Variants in SLC26A5 observed in about 807,000 individuals in gnomAD.
SLC26A5 encodes solute carrier family 26 member 5.
Under a neutral mutation model 81.0 loss-of-function variants are expected in SLC26A5, and 51 were observed. The observed-to-expected ratio is 0.63, with a 90% CI of 0.50 to 0.80. The LOEUF (loss-of-function observed/expected upper bound fraction) is 0.80, where lower values mean the gene tolerates loss of function less well. SLC26A5 is among the 30% of genes least tolerant of loss of function. SLC26A5 has a pLI of 0.00. For missense variants in SLC26A5, 771 were observed against 905.8 expected (o/e 0.85, Z 1.91); for synonymous variants, 325 against 332.8 (o/e 0.98, Z 0.25).
Position 103,364,045 on chromosome 7 carries a change from G to A in SLC26A5, c.2042-11119C>T, listed in dbSNP as rs541830606. Reference sequence around the variant, plus strand: ...TTAAATATTAAAGTATGGTTTTCAGGATAAAATACTAAACATAAAAGCACT... The same window carrying A: ...TTAAATATTAAAGTATGGTTTTCAGAATAAAATACTAAACATAAAAGCACT... On this transcript the variant is annotated intron_variant, in intron 19 of 19. Transcript: ENST00000339444. The A allele has an allele frequency of 2.3e-3, 2,596 of 1,140,736 alleles. 10 individuals are homozygous for A. The highest frequency in any genetic ancestry group is 2.7e-3 in the Non-Finnish European group (2,166 of 812,860). The allele number at this position is 1,140,736 out of a possible 1,614,324, so 70.7% of individuals were successfully genotyped here. A position where few individuals can be genotyped will look rare whatever the true frequency, so the allele number is the denominator to read the frequency against.
intron 2 of SLC26A5, among the ~76,000 whole-genome samples, chr7:103,433,946 C>A (rs772239065): frequency 2.0e-5 from 3 of 152,148 alleles, no homozygotes; most frequent in Non-Finnish European, 4.4e-5. Context: ...CGTGATCTGC[C>A]CATCTCAGCC....
chr7:103,361,352 A>T (rs1011162830), intron 19 of SLC26A5, among the ~76,000 whole-genome samples: 2 of 149,730 alleles, frequency 1.3e-5, no homozygotes, highest in East Asian at 2.0e-4. Context: ...AAAAAAAAAA[A>T]ATACAAAATT....
At chr7:103,427,458 G>C (rs942977883) in intron 2 of SLC26A5, among the ~76,000 whole-genome samples, 2 of 152,104 alleles carry the variant, frequency 1.3e-5, no homozygotes, top group Non-Finnish European at 2.9e-5. Context: ...ACACTCACTT[G>C]GGGGTAAGAG....
chr7:103,440,054 A>G (rs1321136731), intron 2 of SLC26A5, among the ~76,000 whole-genome samples: 1 of 152,198 alleles, frequency 6.6e-6, no homozygotes, highest in African/African-American at 2.4e-5. Flanking sequence ...ATTTTTATCC[A>G]TAGCACTTAA....
chr7:103,357,755 T>G (rs572312841), intron 19 of SLC26A5, among the ~76,000 whole-genome samples: 6 of 152,236 alleles, frequency 3.9e-5, no homozygotes, highest in Non-Finnish European at 5.9e-5. Context: ...TAGTGGTGGT[T>G]GTTATAACGT....
chr7:103,419,992 G>C (rs1825215188), intron 4 of SLC26A5, among the ~76,000 whole-genome samples: 1 of 152,112 alleles, frequency 6.6e-6, no homozygotes, highest in Admixed American at 6.6e-5. Flanking sequence ...AGCCAGATAG[G>C]TGCCTAATAG....
chr7:103,355,777 C>G, intron 19 of SLC26A5: 1 of 1,613,466 alleles, frequency 6.2e-7, no homozygotes, highest in Non-Finnish European at 8.5e-7. Flanking sequence ...GAGTGAACAG[C>G]CTTTACAGGT....
rs1000637334 is a variant in SLC26A5 at position 103,377,675 on chromosome 7, TC to T, written c.1909del (p.Asp637IlefsTer21). On this transcript the variant is annotated frameshift_variant, in exon 18 of 20. Transcript: ENST00000306312. LOFTEE classifies it high-confidence loss of function. ...ATCCAAAATGACAGTGTGGACGTTA[TC>T]CCCTGGGGGCATAAATCTTTGCATT... The part of the protein sequence containing the change: ...EEMQRFMPPG[D>X]NVHTVILDFT... The T allele has an allele frequency of 1.2e-6, 2 of 1,614,026 alleles. No homozygotes were observed. The highest frequency in any genetic ancestry group is 1.7e-5 in the Admixed American group (1 of 60,002).
At chr7:103,389,475 C>T (rs1822469774) in intron 12 of SLC26A5, 51 bp from the exon 13 acceptor site, 3 of 1,348,702 alleles carry the variant, frequency 2.2e-6, no homozygotes. Flanking sequence ...CACAGAGTGT[C>T]CTTTGCTGGT....
At position 103,367,202 on chromosome 7, in the gene SLC26A5, G is replaced by T. The variant is rs918809733; in HGVS notation, c.2041+9606C>A. ...CCATAGGCAGTTTAAAAAACGTTAA[G>T]TAAATCTGTGATGAATACTTTTGAA... On this transcript the variant is annotated intron_variant, in intron 19 of 19. Coordinates refer to the SLC26A5 transcript ENST00000339444. This position sits in a 1 kb window ranked among gnomAD's most constrained non-coding sequence, Gnocchi z 6.1. 1.3e-5 allele frequency among the ~76,000 whole-genome samples: 2 copies of T among 152,190 alleles called. No homozygotes were observed. Among genetic ancestry groups the T allele is most frequent in the African/African-American group, 4.8e-5 (2 of 41,498 alleles).
intron 2 of SLC26A5, among the ~76,000 whole-genome samples, chr7:103,427,036 G>A (rs1825751271): frequency 6.6e-6 from 1 of 151,976 alleles, no homozygotes; most frequent in Non-Finnish European, 1.5e-5. Context: ...GGCAGGAAGG[G>A]AGGAATTTGA....
intron 19 of SLC26A5, among the ~76,000 whole-genome samples, chr7:103,353,537 C>T (rs549563116): frequency 1.3e-5 from 2 of 152,304 alleles, no homozygotes; most frequent in Non-Finnish European, 2.9e-5. Context: ...AAACTCCTGA[C>T]CTCAGGTGAT....
intron 2 of SLC26A5, among the ~76,000 whole-genome samples, chr7:103,436,392 T>C (rs1742511324): frequency 6.6e-6 from 1 of 152,126 alleles, no homozygotes; most frequent in African/African-American, 2.4e-5. Flanking sequence ...TATGATTTTG[T>C]TACATGCTTC....
downstream of SLC26A5, among the ~76,000 whole-genome samples, chr7:103,371,842 C>T (rs139013164): frequency 5.2e-3 from 782 of 151,804 alleles, 9 homozygotes; most frequent in African/African-American, 0.018. Flanking sequence ...ACTACAGGTG[C>T]GCGCCACCAT....
At chr7:103,431,907 T>A (rs1387583377) in intron 2 of SLC26A5, among the ~76,000 whole-genome samples, 1 of 151,954 alleles carries the variant, frequency 6.6e-6, no homozygotes, top group East Asian at 1.9e-4. Context: ...TATTCACGAA[T>A]GCTTACCATG....
chr7:103,402,498 C>G (rs1823682056), intron 8 of SLC26A5, among the ~76,000 whole-genome samples: 1 of 149,708 alleles, frequency 6.7e-6, no homozygotes, highest in South Asian at 2.1e-4. Flanking sequence ...CTCCCAGATT[C>G]AAGTGATTCT....
chr7:103,372,652 T>G (rs1374698996), downstream of SLC26A5, among the ~76,000 whole-genome samples: 2 of 152,212 alleles, frequency 1.3e-5, no homozygotes, highest in Non-Finnish European at 2.9e-5. Context: ...AATGAACTGA[T>G]AGCTGTTATG....
At chr7:103,436,828 A>C (rs1826486289) in intron 2 of SLC26A5, among the ~76,000 whole-genome samples, 1 of 152,220 alleles carries the variant, frequency 6.6e-6, no homozygotes, top group South Asian at 2.1e-4. Context: ...TTGAGACCTA[A>C]AACTGTAAAT....
chr7:103,377,559 G>A (rs749086377), intron 18 of SLC26A5, 40 bp downstream of exon 18: 3 of 1,541,524 alleles, frequency 1.9e-6, no homozygotes, highest in Non-Finnish European at 2.7e-6. Flanking sequence ...ACGACACCAG[G>A]CATAGAGGTA....
Sources: gnomAD v4.1 joint callset for allele counts (sites outside exome capture counted in the v4.1 genomes callset) on GRCh38, gnomAD v4.1.1 for gene constraint, Gnocchi (gnomAD v3.1) non-coding constraint, MANE v1.5 for transcripts, NCBI Gene and HGNC (gene_info 2026-07-23, HGNC 2026-07-21) for gene names.